AGO2: variants seen among roughly 807,000 people sequenced by gnomAD.
The protein encoded by AGO2 is protein argonaute-2.
AGO2 carries 5 observed loss-of-function variants against 102.3 expected under a neutral mutation model. The ratio of observed to expected loss-of-function variants is 0.05; its 90% CI spans 0.03 to 0.10. The LOEUF is 0.10. Ranked by LOEUF, AGO2 falls within the 10% of genes least tolerant of loss-of-function variation. AGO2 has a pLI of 1.00. For missense variants in AGO2, 541 were observed against 1,183.7 expected, an observed-to-expected ratio of 0.46 and a Z score of 7.97; for synonymous variants, 449 against 473.1, an observed-to-expected ratio of 0.95 and a Z score of 0.66.
At position 140,628,270 on chromosome 8, in the gene AGO2, A is replaced by C. The variant is rs186796298; in HGVS notation, c.22+7215T>G. Among the ~76,000 whole-genome samples, 278 of 152,324 alleles carry C rather than the reference A, an allele frequency of 1.8e-3. 2 individuals carry two copies. The highest frequency in any genetic ancestry group is 6.5e-3 in the African/African-American group (269 of 41,564). On this transcript the variant is annotated intron_variant, in intron 1 of 18. Transcript: ENST00000220592. The stretch of plus-strand genomic sequence containing the variant: ...CTGCCTTACTGGGGCTGCCAGATGC[A>C]CTGCCTCCTGAGCCACTTTTGCTTC...
At chr8:140,560,019 C>T (rs1320076496) in intron 5 of AGO2, among the ~76,000 whole-genome samples, 1 of 152,222 alleles carries the variant, frequency 6.6e-6, no homozygotes, top group African/African-American at 2.4e-5. Flanking sequence ...AGCGGATGTC[C>T]TGCACAGAGC....
rs114409343 is a variant in AGO2, at chr8:140,544,200, C to T, written c.1839+13G>A. The T allele has an allele frequency of 1.0e-3, 1,606 of 1,577,766 alleles. 16 individuals are homozygous for T. In the African/African-American group the frequency reaches 0.017, roughly 17 times the overall value. ...TGTCAATGGAAGACCCATGGGGAAG[C>T]GCTGACACTCACGGCGGCAATGGAG... On this transcript the variant is annotated intron_variant, in intron 14 of 18. Coordinates refer to ENST00000220592, the MANE Select transcript of AGO2 (RefSeq NM_012154.5).
intron 2 of AGO2, among the ~76,000 whole-genome samples, chr8:140,576,088 G>A (rs1175048612): frequency 1.3e-5 from 2 of 152,148 alleles, no homozygotes; most frequent in African/African-American, 2.4e-5. Flanking sequence ...GGAGGCAGGC[G>A]GATCACTTGG....
At chr8:140,561,477 A>G (rs1261457136) in intron 4 of AGO2, among the ~76,000 whole-genome samples, 2 of 152,218 alleles carry the variant, frequency 1.3e-5, no homozygotes, top group Admixed American at 6.5e-5. Flanking sequence ...CTCTATTAAC[A>G]AGGTAGATGC....
At chr8:140,570,803 T>A (rs2073366797) in intron 3 of AGO2, among the ~76,000 whole-genome samples, 1 of 152,186 alleles carries the variant, frequency 6.6e-6, no homozygotes, top group South Asian at 2.1e-4. Flanking sequence ...CACACCCATA[T>A]CTAGTTTTAC....
intron 10 of AGO2, among the ~76,000 whole-genome samples, chr8:140,553,076 G>T (rs1272747757): frequency 6.6e-6 from 1 of 152,164 alleles, no homozygotes; most frequent in African/African-American, 2.4e-5. Context: ...TAGAGATCTG[G>T]AAAAATGTAT....
intron 11 of AGO2, among the ~76,000 whole-genome samples, chr8:140,549,870 C>T (rs887322719): frequency 2.6e-5 from 4 of 152,158 alleles, no homozygotes; most frequent in African/African-American, 7.2e-5. Flanking sequence ...GAAGCTGGGG[C>T]GGGGTGGGAG....
At chr8:140,583,527 C>T (rs1164421451) in intron 2 of AGO2, among the ~76,000 whole-genome samples, 1 of 152,124 alleles carries the variant, frequency 6.6e-6, no homozygotes, top group Admixed American at 6.6e-5. Context: ...GTACAGCACA[C>T]GACTGCTGAA....
At chr8:140,640,079 G>T (rs1173166548), upstream of AGO2, among the ~76,000 whole-genome samples, 2 of 152,130 alleles carry the variant, frequency 1.3e-5, no homozygotes, top group Non-Finnish European at 2.9e-5. Context: ...TGCCATCTCG[G>T]CTCATTGCAG....
chr8:140,538,590 C>T (rs981946499), intron 16 of AGO2, among the ~76,000 whole-genome samples: 5 of 152,204 alleles, frequency 3.3e-5, no homozygotes, highest in Admixed American at 6.5e-5. Context: ...GCTTCAACGC[C>T]GCCACCTCTC....
intron 14 of AGO2, among the ~76,000 whole-genome samples, chr8:140,541,865 G>A (rs989128373): frequency 3.9e-5 from 6 of 152,098 alleles, no homozygotes; most frequent in Non-Finnish European, 2.9e-5. Flanking sequence ...ATCACACCAC[G>A]CACTCCAGCC....
At chr8:140,617,875 G>A (rs1563651712) in intron 1 of AGO2, among the ~76,000 whole-genome samples, 1 of 151,840 alleles carries the variant, frequency 6.6e-6, no homozygotes, top group Non-Finnish European at 1.5e-5. Flanking sequence ...AAAGCCAGGT[G>A]TGGTGGCACA....
rs141054662 is a variant in AGO2 at position 140,609,082 on chromosome 8, G to C, written c.23-23771C>G. On this transcript the variant is annotated intron_variant, in intron 1 of 18. Transcript: ENST00000220592. The stretch of plus-strand genomic sequence containing the variant: ...CTCAGCTGTGCCAGGGGCCTCAGCG[G>C]GGGAGCAGGATGCCGCCTCAGGGCC... Among the ~76,000 whole-genome samples the C allele has an allele frequency of 4.8e-3, 734 of 152,370 alleles. 2 individuals are homozygous for C. The highest frequency in any genetic ancestry group is 0.01 in the Middle Eastern group (3 of 294).
At chr8:140,591,663 T>C (rs1023095635) in intron 1 of AGO2, 2 of 152,228 alleles carry the variant, frequency 1.3e-5, no homozygotes, top group Non-Finnish European at 2.9e-5. Flanking sequence ...TGGTTCAACC[T>C]GAAACTGCAA....
chr8:140,570,025 G>A (rs1435074506), intron 3 of AGO2, among the ~76,000 whole-genome samples: 1 of 152,224 alleles, frequency 6.6e-6, no homozygotes, highest in Admixed American at 6.5e-5. Flanking sequence ...ACGACACTGG[G>A]ACACGATGCG....
chr8:140,553,779 A>G (rs2073046914), intron 10 of AGO2, among the ~76,000 whole-genome samples: 1 of 151,346 alleles, frequency 6.6e-6, no homozygotes, highest in Non-Finnish European at 1.5e-5. Context: ...GCTCACTGCA[A>G]CCTCTGCCTC....
chr8:140,615,805 T>C (rs1241411245), intron 1 of AGO2, among the ~76,000 whole-genome samples: 2 of 152,254 alleles, frequency 1.3e-5, no homozygotes, highest in Non-Finnish European at 2.9e-5. Flanking sequence ...AAACACACTA[T>C]TGAGTTGGAG....
chr8:140,595,982 T>C (rs1295538725), intron 1 of AGO2, among the ~76,000 whole-genome samples: 1 of 126,828 alleles, frequency 7.9e-6, no homozygotes, highest in Non-Finnish European at 1.6e-5. Flanking sequence ...ATATATTATA[T>C]AATATATATA....
At chr8:140,617,517 T>C (rs1459101981) in intron 1 of AGO2, among the ~76,000 whole-genome samples, 2 of 152,174 alleles carry the variant, frequency 1.3e-5, no homozygotes, top group Admixed American at 6.5e-5. Context: ...CCTCCCAAAG[T>C]GCTGGGATTA....
Sources: gnomAD v4.1 joint callset for allele counts (sites outside exome capture counted in the v4.1 genomes callset) on GRCh38, gnomAD v4.1.1 for gene constraint, MANE v1.5 for transcripts, NCBI Gene and HGNC (gene_info 2026-07-23, HGNC 2026-07-21) for gene names.